The following ARAP2 variants were observed in gnomAD, a reference collection of about 807,000 sequenced individuals.
ARAP2 encodes ArfGAP with RhoGAP domain, ankyrin repeat and PH domain 2.
Under a neutral mutation model 194.5 loss-of-function variants are expected in ARAP2, and 148 were observed. That is an observed-to-expected ratio of 0.76 (90% CI 0.67 to 0.87). ARAP2 has a LOEUF of 0.87. Among genes scored for constraint, ARAP2 ranks in the 40% least tolerant of loss-of-function variants. The probability of loss-of-function intolerance (pLI) is 0.00; values close to 1 mark genes in which losing one functional copy is unlikely to be tolerated. For synonymous variants in ARAP2, 695 were observed against 683.5 expected (o/e 1.02, Z -0.26); for missense variants, 2,128 against 1,989.7 (o/e 1.07, Z -1.32).
intron 2 of ARAP2, among the ~76,000 whole-genome samples, chr4:36,056,555 G>A (rs754322787): frequency 2.6e-4 from 40 of 152,078 alleles, no homozygotes; most frequent in Non-Finnish European, 5.0e-4. Context: ...TATATTTTAT[G>A]TGTGTCTCTG....
chr4:36,180,025 C>T (rs1469329093), intron 8 of ARAP2, among the ~76,000 whole-genome samples: 1 of 152,178 alleles, frequency 6.6e-6, no homozygotes, highest in Non-Finnish European at 1.5e-5. Flanking sequence ...GTAATCCCAG[C>T]ACTCTGGGAG....
chr4:36,088,902 A>G (rs541902615), intron 28 of ARAP2, among the ~76,000 whole-genome samples: 2 of 152,258 alleles, frequency 1.3e-5, no homozygotes, highest in South Asian at 4.1e-4. Context: ...TCATTCACTT[A>G]TAAGTGTGCA....
rs774516956 is a variant in ARAP2 at position 36,107,628 on chromosome 4, G to A, written c.4222C>T (p.Pro1408Ser). Residue 1408 changes from proline to serine, a missense_variant, in exon 27 of 33, where the codon CCT (proline) becomes TCT (serine). Transcript: ENST00000303965. ...TTCACCACCAGGTAAGCAGAGCCAG[G>A]TTCAGCTAATGAACTCCACCGAAGC... Reference protein sequence around the residue: ...QVLRWSSLAEPGSAYLVVKRF... With the variant: ...QVLRWSSLAESGSAYLVVKRF... 7 of 1,610,894 alleles carry A rather than the reference G, an allele frequency of 4.3e-6. No individual in the cohort carries two copies. The highest frequency in any genetic ancestry group is 1.7e-4 in the Middle Eastern group (1 of 6,036).
intron 15 of ARAP2, among the ~76,000 whole-genome samples, chr4:36,154,561 G>A (rs1042608375): frequency 6.6e-6 from 1 of 151,868 alleles, no homozygotes; most frequent in African/African-American, 2.4e-5. Context: ...ATTCAACTGT[G>A]TACTTAGGTT....
chr4:36,028,480 A>G (rs1718320840), intron 5 of ARAP2, among the ~76,000 whole-genome samples: 1 of 151,774 alleles, frequency 6.6e-6, no homozygotes, highest in South Asian at 2.1e-4. Flanking sequence ...ATTTGTATGG[A>G]CTTATACAAA....
chr4:36,040,887 G>A lies in ARAP2; in HGVS notation n.607+5092C>T, dbSNP rs912188479. Among the ~76,000 whole-genome samples, 8 of 152,314 alleles carry A rather than the reference G, an allele frequency of 5.3e-5. No individual in the cohort carries two copies. The East Asian group carries it at 1.3e-3, about 26-fold the overall frequency. On this transcript the variant is annotated intron_variant and non_coding_transcript_variant, in intron 5 of 12. Transcript: ENST00000503225. ...TTCCAATACTATGTTGTATAGGAGT[G>A]AAGAGAGAAGGCATTTTTGTCTTGT...
chr4:36,093,353 A>G (rs1714271928), intron 27 of ARAP2, among the ~76,000 whole-genome samples: 1 of 152,130 alleles, frequency 6.6e-6, no homozygotes, highest in Non-Finnish European at 1.5e-5. Context: ...CCCTGAACTT[A>G]AAAGTTATTT....
intron 27 of ARAP2, 56 bp downstream of exon 27, chr4:36,107,509 C>T: frequency 1.3e-6 from 2 of 1,544,206 alleles, no homozygotes; most frequent in South Asian, 1.2e-5. Flanking sequence ...ATATTAATTA[C>T]CCTTTAACCA....
intron 25 of ARAP2, among the ~76,000 whole-genome samples, chr4:36,115,194 G>A (rs917108425): frequency 6.6e-6 from 1 of 151,850 alleles, no homozygotes; most frequent in African/African-American, 2.4e-5. Context: ...CAGGTAACTC[G>A]CAAAGTCTAC....
chr4:36,199,566 AG>A (rs1743923644), intron 6 of ARAP2, among the ~76,000 whole-genome samples: 1 of 152,230 alleles, frequency 6.6e-6, no homozygotes, highest in Admixed American at 6.5e-5. Flanking sequence ...CTGGGTTTAC[AG>A]GTGTGAGCCA....
intron 7 of ARAP2, among the ~76,000 whole-genome samples, chr4:36,188,290 G>A (rs1276428967): frequency 7.2e-5 from 11 of 152,142 alleles, no homozygotes; most frequent in East Asian, 5.8e-4. Flanking sequence ...TCTGGGCCCC[G>A]TGTTGGAAAG....
chr4:36,210,249 G>GA lies in ARAP2; in HGVS notation c.1487+140dup, dbSNP rs1746451946. 6.6e-5 allele frequency: 46 copies of GA among 702,138 alleles called. No individual in the cohort carries two copies. The South Asian group carries it at 9.5e-4, about 14-fold the overall frequency. 43.5% of individuals were successfully genotyped at this position (702,138 alleles called of 1,614,324 possible). A position where few individuals can be genotyped will look rare whatever the true frequency, so the allele number is the denominator to read the frequency against. The stretch of plus-strand genomic sequence containing the variant: ...AGAATAGCACTGGCAAAAGTGTGCT[G>GA]AAAGTCCCTAAAAATGGCATCTCTG... On this transcript the variant is annotated intron_variant, in intron 6 of 32. Coordinates refer to ENST00000303965, the MANE Select transcript of ARAP2 (RefSeq NM_015230.4).
chr4:36,220,364 C>T (rs375676302), intron 2 of ARAP2, among the ~76,000 whole-genome samples: 6 of 152,046 alleles, frequency 3.9e-5, no homozygotes, highest in Middle Eastern at 3.2e-3. Context: ...GTAGCCATTG[C>T]AACACCACAG....
chr4:36,113,446 G>T (rs1032426654), intron 26 of ARAP2, among the ~76,000 whole-genome samples: 9 of 151,910 alleles, frequency 5.9e-5, no homozygotes, highest in African/African-American at 2.2e-4. Flanking sequence ...ACACTATGGG[G>T]TATTTTAAAC....
intron 5 of ARAP2, among the ~76,000 whole-genome samples, chr4:36,032,535 A>G (rs370529397): frequency 2.0e-5 from 3 of 152,368 alleles, no homozygotes; most frequent in African/African-American, 7.2e-5. Context: ...GAGAGTTAAT[A>G]TAATTTACTC....
chr4:36,216,717 TA>T (rs1432727474), intron 2 of ARAP2, among the ~76,000 whole-genome samples: 2 of 151,958 alleles, frequency 1.3e-5, no homozygotes, highest in African/African-American at 4.8e-5. Context: ...AAGAGACTAC[TA>T]CCCAGCTGAA....
At chr4:36,187,315 G>A in intron 8 of ARAP2, 136 bp downstream of exon 8, 1 of 477,312 alleles carries the variant, frequency 2.1e-6, no homozygotes, top group South Asian at 7.9e-5. Flanking sequence ...TTATGCATTT[G>A]AAAAATTAAT....
intron 2 of ARAP2, among the ~76,000 whole-genome samples, chr4:36,226,322 T>C (rs1750299798): frequency 6.6e-6 from 1 of 152,170 alleles, no homozygotes; most frequent in African/African-American, 2.4e-5. Flanking sequence ...TACTTACTAT[T>C]TTGAATAAAG....
intron 5 of ARAP2, chr4:36,019,334 C>T (rs1716468701): frequency 6.7e-6 from 1 of 149,208 alleles, no homozygotes; most frequent in Non-Finnish European, 1.5e-5. Flanking sequence ...GAAATAAACC[C>T]TTTTAATGTA....
Sources: allele counts gnomAD v4.1 joint callset (sites outside exome capture counted in the v4.1 genomes callset), GRCh38; gene constraint gnomAD v4.1.1; transcripts MANE v1.5; gene names NCBI Gene and HGNC (gene_info 2026-07-23, HGNC 2026-07-21).